PCDH9: variants seen among roughly 807,000 people sequenced by gnomAD.
PCDH9 encodes the protein protocadherin 9.
PCDH9 carries 24 observed loss-of-function variants against 70.6 expected under a neutral mutation model. The ratio of observed to expected loss-of-function variants is 0.34; its 90% CI spans 0.25 to 0.48. The LOEUF (loss-of-function observed/expected upper bound fraction) is 0.48. Ranked by LOEUF, PCDH9 falls within the 20% of genes least tolerant of loss-of-function variation. PCDH9 has a pLI of 0.99. For synonymous variants in PCDH9, 562 were observed against 558.5 expected (o/e 1.01, Z -0.09); for missense variants, 1,281 against 1,503.6 (o/e 0.85, Z 2.45).
At chr13:66,361,649 C>T (rs1338520692) in intron 4 of PCDH9, among the ~76,000 whole-genome samples, 3 of 151,598 alleles carry the variant, frequency 2.0e-5, no homozygotes, top group Admixed American at 2.0e-4. Context: ...CTGCCATGTT[C>T]AAGAAAAAAG....
At chr13:66,544,064 C>A (rs1166240738) in intron 4 of PCDH9, among the ~76,000 whole-genome samples, 1 of 152,138 alleles carries the variant, frequency 6.6e-6, no homozygotes, top group Non-Finnish European at 1.5e-5. Context: ...AATGTACCAT[C>A]ATTGAATTAT....
chr13:66,361,008 G>T (rs763019024), intron 4 of PCDH9, among the ~76,000 whole-genome samples: 8 of 152,062 alleles, frequency 5.3e-5, no homozygotes, highest in Admixed American at 1.3e-4. Context: ...GGTGACTACT[G>T]TGTTTCCTCA....
chr13:66,415,334 C>A (rs1487998576), intron 4 of PCDH9, among the ~76,000 whole-genome samples: 1 of 152,162 alleles, frequency 6.6e-6, no homozygotes, highest in African/African-American at 2.4e-5. Context: ...CAGTATTTGC[C>A]AAAATGTTTT....
chr13:66,970,567 G>T (rs189323958), intron 2 of PCDH9, among the ~76,000 whole-genome samples: 439 of 146,446 alleles, frequency 3.0e-3, no homozygotes, highest in African/African-American at 0.01. Flanking sequence ...TTCAGCCCAG[G>T]ATTCAAGCTT....
intron 2 of PCDH9, chr13:66,978,349 AC>A (rs2083664372): frequency 6.6e-6 from 1 of 152,032 alleles, no homozygotes; most frequent in African/African-American, 2.4e-5. Flanking sequence ...AAAAAAACAA[AC>A]ACTGATTTTT....
At chr13:66,575,397 T>C (rs1238100594) in intron 4 of PCDH9, among the ~76,000 whole-genome samples, 1 of 152,064 alleles carries the variant, frequency 6.6e-6, no homozygotes, top group East Asian at 1.9e-4. Context: ...TTTATTGGTA[T>C]ATTCCCTGAA....
intron 4 of PCDH9, among the ~76,000 whole-genome samples, chr13:66,370,949 C>T (rs1469090666): frequency 2.0e-5 from 3 of 152,058 alleles, no homozygotes; most frequent in Non-Finnish European, 4.4e-5. Context: ...ATTTTTTAAA[C>T]ATCTCATCAT....
chr13:66,461,678 A>C lies in PCDH9; in HGVS notation c.3341-156650T>G, dbSNP rs962535607. Among the ~76,000 whole-genome samples, 6 of 151,986 alleles carry C rather than the reference A, an allele frequency of 3.9e-5. No individual in the cohort carries two copies. The East Asian group carries it at 1.2e-3, about 29-fold the overall frequency. On this transcript the variant is annotated intron_variant, in intron 4 of 4. Coordinates refer to ENST00000377865, the MANE Select transcript of PCDH9 (RefSeq NM_203487.3). ...TTTAGAAGTTCATTGTTTTATGTAT[A>C]TGTATAGTCCTTTTGTTTTTCTGAG... is the stretch of plus-strand genomic sequence containing the variant.
At chr13:67,078,729 G>A (rs1170528090) in intron 2 of PCDH9, among the ~76,000 whole-genome samples, 1 of 152,118 alleles carries the variant, frequency 6.6e-6, no homozygotes, top group East Asian at 1.9e-4. Context: ...TTGATGGTAT[G>A]AACCATGCCT....
At chr13:67,022,018 T>G (rs536369125) in intron 2 of PCDH9, among the ~76,000 whole-genome samples, 1 of 151,954 alleles carries the variant, frequency 6.6e-6, no homozygotes, top group Non-Finnish European at 1.5e-5. Flanking sequence ...GTGATTAATT[T>G]GTATGCATTA....
intron 2 of PCDH9, among the ~76,000 whole-genome samples, chr13:66,942,838 A>G (rs2083027444): frequency 6.6e-6 from 1 of 152,124 alleles, no homozygotes; most frequent in African/African-American, 2.4e-5. Context: ...TATTCCTTAA[A>G]TGGCCTGAGC....
At chr13:66,578,898 T>C (rs900457689) in intron 4 of PCDH9, among the ~76,000 whole-genome samples, 6 of 152,248 alleles carry the variant, frequency 3.9e-5, no homozygotes, top group Admixed American at 6.5e-5. Flanking sequence ...AGTCAGTCTT[T>C]ATGCTTCTTA....
chr13:66,654,054 C>G (rs575539926), intron 3 of PCDH9, among the ~76,000 whole-genome samples: 1 of 151,732 alleles, frequency 6.6e-6, no homozygotes, highest in South Asian at 2.1e-4. Flanking sequence ...TATTCACAAT[C>G]GCAAGGATCC....
rs937934894 is a variant in PCDH9, at chr13:66,774,627, C to T, written c.3138+128877G>A. ...TTATTGTGCTTCATCAAGGTACCCA[C>T]ATTTGGGCATTGTTTAGCCCTAGAG... is the stretch of plus-strand genomic sequence containing the variant. On this transcript the variant is annotated intron_variant, in intron 3 of 4. Transcript: ENST00000377865. Among the ~76,000 whole-genome samples, 4 of 152,174 alleles carry T rather than the reference C, an allele frequency of 2.6e-5. No individual in the cohort carries two copies. In the South Asian group the frequency reaches 8.3e-4, roughly 32 times the overall value.
intron 2 of PCDH9, among the ~76,000 whole-genome samples, chr13:67,086,597 T>A (rs1175299362): frequency 1.3e-5 from 2 of 152,192 alleles, no homozygotes; most frequent in African/African-American, 4.8e-5. Flanking sequence ...TTGGATGGAA[T>A]GTAACAGAGT....
chr13:66,649,175 G>A (rs897726490), intron 3 of PCDH9, among the ~76,000 whole-genome samples: 1 of 152,100 alleles, frequency 6.6e-6, no homozygotes, highest in African/African-American at 2.4e-5. Flanking sequence ...CCCTAACATA[G>A]AGAAACATAT....
At chr13:66,643,565 G>C (rs938571317) in intron 3 of PCDH9, among the ~76,000 whole-genome samples, 1 of 151,938 alleles carries the variant, frequency 6.6e-6, no homozygotes, top group African/African-American at 2.4e-5. Context: ...AGTTATTTGT[G>C]CACTAAGGAT....
At chr13:66,488,928 T>A (rs1958989987) in intron 4 of PCDH9, among the ~76,000 whole-genome samples, 1 of 152,136 alleles carries the variant, frequency 6.6e-6, no homozygotes, top group African/African-American at 2.4e-5. Context: ...TATTAATTAG[T>A]TCCCACAGGC....
chr13:66,659,447 T>A (rs534740533), intron 3 of PCDH9, among the ~76,000 whole-genome samples: 1 of 152,198 alleles, frequency 6.6e-6, no homozygotes, highest in South Asian at 2.1e-4. Flanking sequence ...CAAGTCAGAA[T>A]GACTTACAGA....
Sources: gnomAD v4.1 joint callset for allele counts (sites outside exome capture counted in the v4.1 genomes callset) on GRCh38, gnomAD v4.1.1 for gene constraint, MANE v1.5 for transcripts, NCBI Gene and HGNC (gene_info 2026-07-23, HGNC 2026-07-21) for gene names.